EML4: variants seen among roughly 807,000 people sequenced by gnomAD.
EML4 encodes echinoderm microtubule-associated protein-like 4.
EML4 carries 72 observed loss-of-function variants against 129.0 expected under a neutral mutation model. That is an observed-to-expected ratio of 0.56 (90% CI 0.46 to 0.68). EML4 has a LOEUF of 0.68. EML4 is among the 30% of genes least tolerant of loss of function. The pLI is 0.00. For missense variants in EML4, 1,363 were observed against 1,190.6 expected, an observed-to-expected ratio of 1.14 and a Z score of -2.13; for synonymous variants, 532 against 405.0, an observed-to-expected ratio of 1.31 and a Z score of -3.77.
rs145139126 is a variant in EML4 at position 42,229,146 on chromosome 2, C to T, written c.26-16359C>T. Among the ~76,000 whole-genome samples the T allele has an allele frequency of 9.9e-3, 1,509 of 151,990 alleles. 14 individuals carry two copies. The highest frequency in any genetic ancestry group is 0.038 in the East Asian group (198 of 5,166). On this transcript the variant is annotated intron_variant, in intron 1 of 22. Transcript: ENST00000318522. Reference sequence around the variant, plus strand: ...TGATCTAGGTGTGGGTTTAGCAGACCTTTGTATTGGAATCTTATGATGATT... The same window carrying T: ...TGATCTAGGTGTGGGTTTAGCAGACTTTTGTATTGGAATCTTATGATGATT...
intron 11 of EML4, among the ~76,000 whole-genome samples, chr2:42,290,406 T>A (rs887577441): frequency 6.6e-6 from 1 of 151,852 alleles, no homozygotes; most frequent in African/African-American, 2.4e-5. Context: ...GGACCTCTCA[T>A]GAAAAAAAAT....
intron 2 of EML4, among the ~76,000 whole-genome samples, chr2:42,247,379 C>G (rs1016291930): frequency 2.0e-5 from 3 of 152,094 alleles, no homozygotes; most frequent in Non-Finnish European, 4.4e-5. Context: ...GAAAGAGATG[C>G]TGAGAGACCC....
chr2:42,201,030 G>A (rs995153052), intron 1 of EML4, among the ~76,000 whole-genome samples: 44 of 152,256 alleles, frequency 2.9e-4, no homozygotes, highest in African/African-American at 1.1e-3. Flanking sequence ...TATGACAGAA[G>A]TATAGTACTT....
intron 6 of EML4, among the ~76,000 whole-genome samples, chr2:42,276,081 A>G (rs191310279): frequency 5.1e-4 from 78 of 152,252 alleles, no homozygotes; most frequent in African/African-American, 1.7e-3. Flanking sequence ...GAATTTGACA[A>G]TGACTGGGGA....
chr2:42,224,090 C>A (rs1334103881), intron 1 of EML4, among the ~76,000 whole-genome samples: 1 of 151,978 alleles, frequency 6.6e-6, no homozygotes, highest in East Asian at 1.9e-4. Flanking sequence ...TATGAATCAC[C>A]CATTTAAAAC....
At chr2:42,182,251 G>A (rs1369348925) in intron 1 of EML4, among the ~76,000 whole-genome samples, 1 of 150,310 alleles carries the variant, frequency 6.7e-6, no homozygotes, top group Non-Finnish European at 1.5e-5. Flanking sequence ...CTGGTGCGCT[G>A]CACCCACTAA....
chr2:42,204,125 GCCC>G (rs1672399991), intron 1 of EML4, among the ~76,000 whole-genome samples: 1 of 152,004 alleles, frequency 6.6e-6, no homozygotes. Flanking sequence ...TCACTTTGTT[GCCC>G]AGGCTGGTCT....
At chr2:42,283,800 T>C (rs146978769) in intron 8 of EML4, among the ~76,000 whole-genome samples, 16 of 152,308 alleles carry the variant, frequency 1.1e-4, no homozygotes, top group South Asian at 4.1e-4. Context: ...TATTTTTCAG[T>C]TGGGGACTAC....
intron 1 of EML4, among the ~76,000 whole-genome samples, chr2:42,206,249 T>C (rs1386683830): frequency 6.6e-6 from 1 of 152,210 alleles, no homozygotes; most frequent in Non-Finnish European, 1.5e-5. Flanking sequence ...GGTCTCACTC[T>C]GTCACCTAGG....
intron 2 of EML4, among the ~76,000 whole-genome samples, chr2:42,254,730 A>C (rs1676009174): frequency 6.6e-6 from 1 of 152,112 alleles, no homozygotes; most frequent in Non-Finnish European, 1.5e-5. Context: ...TGTGTTTGGC[A>C]GTTCCTCAAT....
chr2:42,325,002 C>T (rs958400065), intron 19 of EML4, among the ~76,000 whole-genome samples: 2 of 152,120 alleles, frequency 1.3e-5, no homozygotes, highest in African/African-American at 4.8e-5. Flanking sequence ...AGACCATATA[C>T]GGGTGCTGTA....
At chr2:42,215,803 G>T (rs1349700271) in intron 1 of EML4, among the ~76,000 whole-genome samples, 1 of 152,092 alleles carries the variant, frequency 6.6e-6, no homozygotes, top group Non-Finnish European at 1.5e-5. Flanking sequence ...TATTTCCTTA[G>T]AACTTTTAAA....
At chr2:42,194,537 A>G (rs1671788408) in intron 1 of EML4, among the ~76,000 whole-genome samples, 1 of 149,296 alleles carries the variant, frequency 6.7e-6, no homozygotes, top group African/African-American at 2.5e-5. Context: ...TTTTTTTTAG[A>G]CAAGGTCTTG....
intron 11 of EML4, 172 bp downstream of exon 11, chr2:42,288,494 A>G (rs1301155457): frequency 5.3e-6 from 2 of 380,198 alleles, no homozygotes; most frequent in African/African-American, 2.1e-5. Flanking sequence ...TTAACACTAT[A>G]GTTATACAAG....
chr2:42,192,563 A>G (rs894382496), intron 1 of EML4, among the ~76,000 whole-genome samples: 15 of 152,094 alleles, frequency 9.9e-5, no homozygotes, highest in East Asian at 7.7e-4. Flanking sequence ...TTAAAAGACC[A>G]TATTCTGACC....
At chr2:42,304,619 T>G in intron 17 of EML4, 68 bp downstream of exon 17, 7 of 1,157,236 alleles carry the variant, frequency 6.0e-6, no homozygotes, top group Non-Finnish European at 9.2e-6. Flanking sequence ...AGGAATGTTC[T>G]CAATCTGATC....
intron 2 of EML4, among the ~76,000 whole-genome samples, chr2:42,252,843 T>C (rs958526111): frequency 6.6e-6 from 1 of 152,200 alleles, no homozygotes; most frequent in African/African-American, 2.4e-5. Context: ...CTAATCCTTA[T>C]AGAATTATGT....
intron 1 of EML4, among the ~76,000 whole-genome samples, chr2:42,180,558 T>A (rs1253546367): frequency 6.6e-6 from 1 of 152,210 alleles, no homozygotes; most frequent in Non-Finnish European, 1.5e-5. Flanking sequence ...GACCTGTCTT[T>A]GCAACCTTTA....
At chr2:42,242,537 A>G (rs1572612572) in intron 1 of EML4, among the ~76,000 whole-genome samples, 1 of 151,998 alleles carries the variant, frequency 6.6e-6, no homozygotes, top group African/African-American at 2.4e-5. Context: ...TGGATGGGCT[A>G]TAACTCTACC....
Sources: allele counts gnomAD v4.1 joint callset (sites outside exome capture counted in the v4.1 genomes callset), GRCh38; gene constraint gnomAD v4.1.1; transcripts MANE v1.5; gene names NCBI Gene and HGNC (gene_info 2026-07-23, HGNC 2026-07-21).